The following TEX26 variants were observed in gnomAD, a reference collection of about 807,000 sequenced individuals.
TEX26 encodes testis expressed 26.
TEX26 carries 34 observed loss-of-function variants against 35.3 expected under a neutral mutation model. The ratio of observed to expected loss-of-function variants is 0.96; its 90% confidence interval spans 0.73 to 1.28. The LOEUF (loss-of-function observed/expected upper bound fraction) is 1.28, where lower values mean the gene tolerates loss of function less well. Ranked by LOEUF, TEX26 falls within the 50% of genes most tolerant of loss-of-function variation. TEX26 has a pLI of 0.00. For missense variants in TEX26, 371 were observed against 330.1 expected, an observed-to-expected ratio of 1.12 and a Z score of -0.96; for synonymous variants, 136 against 111.8, an observed-to-expected ratio of 1.22 and a Z score of -1.36.
chr13:30,947,683 G>A (rs556635009), intron 2 of TEX26, among the ~76,000 whole-genome samples: 1 of 152,138 alleles, frequency 6.6e-6, no homozygotes, highest in East Asian at 1.9e-4. Flanking sequence ...AATTTTCTAT[G>A]TTCAAAAAGG....
At chr13:30,960,307 A>G (rs1413090832) in intron 4 of TEX26, among the ~76,000 whole-genome samples, 2 of 152,024 alleles carry the variant, frequency 1.3e-5, no homozygotes, top group Non-Finnish European at 2.9e-5. Context: ...CAGTTGTGTG[A>G]TCTTGGCTCA....
chr13:30,952,661 C>CA lies in TEX26; in HGVS notation c.152dup (p.Asn51LysfsTer13), dbSNP rs761757966. On this transcript the variant is annotated frameshift_variant and splice_region_variant, in exon 3 of 7. Coordinates refer to ENST00000380473, the MANE Select transcript of TEX26 (RefSeq NM_152325.3). LOFTEE classifies it high-confidence loss of function. ...AATTTCTGCTGGGTTTTTTTATAGC[C>CA]AAAACGGTATCAGAAGATTAGGATA... is the stretch of plus-strand genomic sequence containing the variant. 1 of 1,573,820 alleles carries CA rather than the reference C, an allele frequency of 6.4e-7. No homozygotes were observed. The highest frequency in any genetic ancestry group is 1.2e-5 in the South Asian group (1 of 80,140).
intron 3 of TEX26, among the ~76,000 whole-genome samples, chr13:30,954,223 C>T (rs970586692): frequency 6.7e-6 from 1 of 149,484 alleles, no homozygotes; most frequent in African/African-American, 2.5e-5. Flanking sequence ...TTGTGATATC[C>T]ATTCATTGTA....
At chr13:30,952,165 G>A (rs1953952270) in intron 2 of TEX26, among the ~76,000 whole-genome samples, 1 of 151,528 alleles carries the variant, frequency 6.6e-6, no homozygotes, top group African/African-American at 2.4e-5. Flanking sequence ...AAGTGATGAT[G>A]CATGTATTCA....
intron 3 of TEX26, among the ~76,000 whole-genome samples, chr13:30,953,524 C>T (rs953455819): frequency 6.6e-6 from 1 of 152,208 alleles, no homozygotes; most frequent in African/African-American, 2.4e-5. Flanking sequence ...TTGTTTCCAC[C>T]TTTTGGCTAT....
chr13:30,959,616 C>T (rs1203128054), intron 4 of TEX26, among the ~76,000 whole-genome samples: 1 of 152,110 alleles, frequency 6.6e-6, no homozygotes, highest in African/African-American at 2.4e-5. Context: ...TTATTTTTAC[C>T]AGAATTAATT....
chr13:30,960,064 G>C (rs929336054), intron 4 of TEX26, among the ~76,000 whole-genome samples: 1 of 151,960 alleles, frequency 6.6e-6, no homozygotes, highest in Non-Finnish European at 1.5e-5. Context: ...GTCTAATGAA[G>C]AAAAAAAGAC....
chr13:30,973,334 T>C (rs1170496980), intron 6 of TEX26: 5 of 152,206 alleles, frequency 3.3e-5, no homozygotes, highest in Admixed American at 6.5e-5. Context: ...GGAAAACTTA[T>C]CTTTGATGAA....
chr13:30,937,829 A>C (rs570428437), intron 1 of TEX26, among the ~76,000 whole-genome samples: 1 of 152,208 alleles, frequency 6.6e-6, no homozygotes, highest in African/African-American at 2.4e-5. Context: ...ATAGTTGCAG[A>C]TGATCAGATC....
rs756766798 is a variant in TEX26 at position 30,952,667 on chromosome 13, G to T, written c.154G>T (p.Gly52Cys). 2 of 1,579,588 alleles carry T rather than the reference G, an allele frequency of 1.3e-6. No individual in the cohort carries two copies. The highest frequency in any genetic ancestry group is 1.7e-6 in the Non-Finnish European group (2 of 1,167,796). The change falls in exon 3 of 7, where the codon GGT becomes TGT. Residue 52 changes from glycine (G) to cysteine (C), a missense_variant. By Grantham distance (159) the Gly-to-Cys change is radical. Coordinates refer to ENST00000380473, the MANE Select transcript of TEX26 (RefSeq NM_152325.3). ...GAVPALIRQN[G>C]IRRLGYTYSL... ...TGCTGGGTTTTTTTATAGCCAAAAC[G>T]GTATCAGAAGATTAGGATATACATA... is the stretch of plus-strand genomic sequence containing the variant.
chr13:30,947,424 G>A (rs1953753253), intron 2 of TEX26, among the ~76,000 whole-genome samples: 1 of 152,120 alleles, frequency 6.6e-6, no homozygotes, highest in African/African-American at 2.4e-5. Context: ...GTATAGCAGT[G>A]TCACTCAGTA....
chr13:30,936,290 A>G (rs534253154), intron 1 of TEX26, among the ~76,000 whole-genome samples: 15 of 152,286 alleles, frequency 9.8e-5, no homozygotes, highest in African/African-American at 3.4e-4. Flanking sequence ...CATCCAGTGG[A>G]TTGTCAAGGT....
intron 2 of TEX26, among the ~76,000 whole-genome samples, chr13:30,944,056 T>G (rs902688266): frequency 2.0e-5 from 3 of 152,062 alleles, no homozygotes; most frequent in African/African-American, 7.2e-5. Flanking sequence ...GAACATCTGA[T>G]AGAATTCAGC....
intron 5 of TEX26, among the ~76,000 whole-genome samples, chr13:30,967,713 G>GT (rs750963843): frequency 2.0e-5 from 3 of 152,158 alleles, no homozygotes; most frequent in Non-Finnish European, 4.4e-5. Flanking sequence ...GGATTGGGTA[G>GT]GTTGTGAAAA....
rs1428080970 is a variant in TEX26, at chr13:30,952,828, A to G, written c.312+3A>G. 6.2e-7 allele frequency: 1 copy of G among 1,611,396 alleles called. No individual in the cohort carries two copies. Among genetic ancestry groups the G allele is most frequent in the South Asian group, 1.1e-5 (1 of 90,712 alleles). On this transcript the variant is annotated splice_donor_region_variant and intron_variant, in intron 3 of 6. Coordinates refer to ENST00000380473, the MANE Select transcript of TEX26 (RefSeq NM_152325.3). ...GCCACAAATCTCATCTCAATGAAGT[A>G]AGATAATATCTACATATGTGTTGAA...
intron 2 of TEX26, among the ~76,000 whole-genome samples, chr13:30,940,985 T>C (rs1043502835): frequency 6.6e-6 from 1 of 152,100 alleles, no homozygotes; most frequent in African/African-American, 2.4e-5. Flanking sequence ...GTTCAAGATA[T>C]TGAAAAGTGG....
At chr13:30,938,319 T>C (rs963708121) in intron 1 of TEX26, among the ~76,000 whole-genome samples, 1 of 152,186 alleles carries the variant, frequency 6.6e-6, no homozygotes, top group Non-Finnish European at 1.5e-5. Context: ...CTTAGTCCAT[T>C]TTCTGTTGTT....
chr13:30,959,910 G>A (rs1333347226), intron 4 of TEX26, among the ~76,000 whole-genome samples: 5 of 152,082 alleles, frequency 3.3e-5, no homozygotes, highest in African/African-American at 1.2e-4. Flanking sequence ...TGTTTCCAGG[G>A]GGTTGACATA....
intron 6 of TEX26, chr13:30,973,493 A>AG (rs930706637): frequency 3.9e-5 from 6 of 152,248 alleles, no homozygotes; most frequent in African/African-American, 1.4e-4. Flanking sequence ...TGTACACAAA[A>AG]GATTAGTGAA....
Sources: allele counts gnomAD v4.1 joint callset (sites outside exome capture counted in the v4.1 genomes callset), GRCh38; gene constraint gnomAD v4.1.1; transcripts MANE v1.5; gene names NCBI Gene and HGNC (gene_info 2026-07-23, HGNC 2026-07-21).